The following GLYR1 variants were observed in gnomAD, a reference collection of about 807,000 sequenced individuals.
GLYR1 encodes glyoxylate reductase 1 homolog, also known as cytokine-like nuclear factor N-PAC.
In GLYR1, 21 loss-of-function variants were observed where a neutral mutation model predicts 72.7. The observed-to-expected ratio is 0.29, with a 90% CI of 0.20 to 0.42. The LOEUF is 0.42. GLYR1 is among the 10% of genes least tolerant of loss of function. The probability of loss-of-function intolerance (pLI) is 1.00; values close to 1 mark genes in which losing one functional copy is unlikely to be tolerated. For missense variants in GLYR1, 594 were observed against 712.1 expected, an observed-to-expected ratio of 0.83 and a Z score of 1.89; for synonymous variants, 392 against 270.2, an observed-to-expected ratio of 1.45 and a Z score of -4.42.
At chr16:4,844,838 TAGA>T (rs2085864668) in intron 3 of GLYR1, among the ~76,000 whole-genome samples, 1 of 152,186 alleles carries the variant, frequency 6.6e-6, no homozygotes, top group African/African-American at 2.4e-5. Flanking sequence ...TTGTTATAGT[TAGA>T]AGGTAAATGA....
intron 3 of GLYR1, chr16:4,843,735 G>T: frequency 1.1e-6 from 1 of 935,854 alleles, no homozygotes; most frequent in Non-Finnish European, 1.4e-6. Context: ...AGAAGCCACA[G>T]ACATTTTTTT....
intron 3 of GLYR1, among the ~76,000 whole-genome samples, chr16:4,838,581 T>A (rs1028388049): frequency 6.6e-6 from 1 of 150,418 alleles, no homozygotes; most frequent in Non-Finnish European, 1.5e-5. Flanking sequence ...CAGCCACTGA[T>A]GAAACTTTTC....
intron 3 of GLYR1, among the ~76,000 whole-genome samples, chr16:4,834,279 G>A (rs989002066): frequency 3.3e-5 from 5 of 151,526 alleles, no homozygotes; most frequent in Non-Finnish European, 7.4e-5. Flanking sequence ...TCCAACTAGA[G>A]GAGTTAGGCA....
chr16:4,837,421 A>C (rs1335916417), intron 3 of GLYR1, among the ~76,000 whole-genome samples: 2 of 151,656 alleles, frequency 1.3e-5, no homozygotes, highest in Admixed American at 6.6e-5. Context: ...ACAGAGCAAG[A>C]CTTGGTCTTT....
At chr16:4,842,225 C>A (rs1292726332) in intron 3 of GLYR1, among the ~76,000 whole-genome samples, 6 of 147,196 alleles carry the variant, frequency 4.1e-5, no homozygotes, top group East Asian at 2.0e-4. Context: ...GCCTGGGCGA[C>A]AGAGCGAGAC....
At chr16:4,844,263 G>A (rs1283337413) in intron 3 of GLYR1, among the ~76,000 whole-genome samples, 1 of 152,188 alleles carries the variant, frequency 6.6e-6, no homozygotes, top group African/African-American at 2.4e-5. Context: ...TATATGGTCA[G>A]AGTCTCAGAT....
intron 5 of GLYR1, among the ~76,000 whole-genome samples, chr16:4,829,544 T>A (rs986879814): frequency 2.0e-5 from 3 of 152,008 alleles, no homozygotes; most frequent in Admixed American, 1.3e-4. Context: ...TAAAGTGCAG[T>A]GGCATAATCT....
chr16:4,806,210 G>A (rs1216364838), intron 15 of GLYR1, among the ~76,000 whole-genome samples: 2 of 152,176 alleles, frequency 1.3e-5, no homozygotes, highest in African/African-American at 4.8e-5. Context: ...ATCCTGCAGT[G>A]CTTGGATAGC....
At chr16:4,845,246 G>A (rs1596436268) in intron 2 of GLYR1, 93 bp from the exon 3 acceptor site, 4 of 799,038 alleles carry the variant, frequency 5.0e-6, no homozygotes, top group South Asian at 4.7e-5. Context: ...ACGTTGCTAA[G>A]AAAAAAGTAA....
chr16:4,847,193 G>A (rs1199911708), intron 1 of GLYR1, 35 bp downstream of exon 1: 1 of 1,581,176 alleles, frequency 6.3e-7, no homozygotes. Context: ...GTAGCTCCCC[G>A]GCGCGTCTCG....
intron 3 of GLYR1, among the ~76,000 whole-genome samples, chr16:4,838,994 C>T (rs1455318542): frequency 1.3e-5 from 2 of 152,182 alleles, no homozygotes; most frequent in East Asian, 3.8e-4. Flanking sequence ...TCAAGCGATC[C>T]TTCTGCTTCA....
chr16:4,818,653 C>T (rs1438356085), intron 9 of GLYR1, among the ~76,000 whole-genome samples: 1 of 152,206 alleles, frequency 6.6e-6, no homozygotes, highest in Non-Finnish European at 1.5e-5. Context: ...AGCCAGGCAA[C>T]TTCCTTGACT....
chr16:4,822,153 C>A (rs1383184666), intron 7 of GLYR1, among the ~76,000 whole-genome samples: 1 of 152,234 alleles, frequency 6.6e-6, no homozygotes, highest in African/African-American at 2.4e-5. Flanking sequence ...GTGGCACCAT[C>A]TCGGCTTGCT....
chr16:4,813,596 G>C (rs541561830), intron 12 of GLYR1, 141 bp downstream of exon 12: 1 of 722,250 alleles, frequency 1.4e-6, no homozygotes, highest in Non-Finnish European at 2.4e-6. Context: ...GCACGGGATA[G>C]GCTAGTCCCA....
intron 1 of GLYR1, 110 bp from the exon 2 acceptor site, chr16:4,846,320 G>A (rs1044197619): frequency 7.2e-6 from 9 of 1,247,884 alleles, no homozygotes; most frequent in Admixed American, 3.4e-5. Context: ...ATCCTCAAAT[G>A]CCGAAACAAA....
Position 4,811,810 on chromosome 16 carries a change from G to T in GLYR1, c.1283-8C>A, listed in dbSNP as rs2083335607. The T allele has an allele frequency of 6.2e-7, 1 of 1,609,336 alleles. No homozygotes were observed. The highest frequency in any genetic ancestry group is 8.5e-7 in the Non-Finnish European group (1 of 1,176,906). On this transcript the variant is annotated splice_polypyrimidine_tract_variant and splice_region_variant and intron_variant, in intron 13 of 15. Transcript: ENST00000321919. ...CTGCATTGCCCACTTCACCTGCCCA[G>T]GGTAAAGACTCACGGTCACAGCCCA...
chr16:4,807,282 T>C (rs535852922), intron 15 of GLYR1, among the ~76,000 whole-genome samples: 1 of 152,006 alleles, frequency 6.6e-6, no homozygotes, highest in East Asian at 1.9e-4. Flanking sequence ...CGGCTAATTT[T>C]TGGTATTTTT....
chr16:4,811,828 A>G, intron 13 of GLYR1, 26 bp from the exon 14 acceptor site: 1 of 1,600,468 alleles, frequency 6.2e-7, no homozygotes, highest in Non-Finnish European at 8.5e-7. Flanking sequence ...ACTCACGGTC[A>G]CAGCCCAAGA....
At chr16:4,827,405 G>A (rs760692773) in intron 5 of GLYR1, among the ~76,000 whole-genome samples, 12 of 152,182 alleles carry the variant, frequency 7.9e-5, no homozygotes, top group Non-Finnish European at 1.5e-4. Flanking sequence ...TATCTGTCCT[G>A]TACCACATGC....
Sources: gnomAD v4.1 joint callset for allele counts (sites outside exome capture counted in the v4.1 genomes callset) on GRCh38, gnomAD v4.1.1 for gene constraint, MANE v1.5 for transcripts, NCBI Gene and HGNC (gene_info 2026-07-23, HGNC 2026-07-21) for gene names.